Variants in PTPRD observed in about 807,000 individuals in gnomAD.
PTPRD encodes the protein receptor-type tyrosine-protein phosphatase delta.
In PTPRD, 34 loss-of-function variants were observed where a neutral mutation model predicts 214.5. The ratio of observed to expected loss-of-function variants is 0.16; its 90% confidence interval spans 0.12 to 0.21. The LOEUF (loss-of-function observed/expected upper bound fraction) is 0.21, where lower values mean the gene tolerates loss of function less well. Ranked by LOEUF, PTPRD falls within the 10% of genes least tolerant of loss-of-function variation. The pLI, the probability that PTPRD is intolerant of heterozygous loss-of-function variation, is 1.00. For missense variants in PTPRD, 2,545 were observed against 2,398.7 expected (o/e 1.06, Z -1.27); for synonymous variants, 1,128 against 845.7 (o/e 1.33, Z -5.79).
intron 8 of PTPRD, among the ~76,000 whole-genome samples, chr9:9,447,568 AC>A (rs1466706181): frequency 2.0e-5 from 3 of 152,060 alleles, no homozygotes; most frequent in Non-Finnish European, 4.4e-5. Flanking sequence ...ACTAATGGGT[AC>A]TGGGTTTAAT....
chr9:9,536,319 T>C (rs540611389), intron 8 of PTPRD, among the ~76,000 whole-genome samples: 1 of 152,010 alleles, frequency 6.6e-6, no homozygotes, highest in Non-Finnish European at 1.5e-5. Context: ...AAAATGGGTA[T>C]GCTTACTGGC....
chr9:9,289,871 G>A (rs781445022), intron 9 of PTPRD, among the ~76,000 whole-genome samples: 2 of 151,622 alleles, frequency 1.3e-5, no homozygotes, highest in Non-Finnish European at 2.9e-5. Context: ...CAGACACTTA[G>A]GTTGCTTCCA....
chr9:10,084,519 C>T (rs190290266), intron 3 of PTPRD, among the ~76,000 whole-genome samples: 1 of 151,930 alleles, frequency 6.6e-6, no homozygotes, highest in Admixed American at 6.6e-5. Context: ...CCCACTCACA[C>T]ATTATTCTGC....
Position 8,314,651 on chromosome 9 carries a change from G to C in PTPRD, c.*3223C>G. The C allele has an allele frequency of 8.6e-6, 2 of 231,886 alleles. No individual in the cohort carries two copies. The highest frequency in any genetic ancestry group is 1.7e-5 in the Non-Finnish European group (2 of 117,188). The allele number at this position is 231,886 out of a possible 1,614,324, so 14.4% of individuals were successfully genotyped here. A position where few individuals can be genotyped will look rare whatever the true frequency, so the allele number is the denominator to read the frequency against. On this transcript the variant is annotated 3_prime_UTR_variant, in exon 46 of 46. Coordinates refer to ENST00000381196, the MANE Select transcript of PTPRD (RefSeq NM_002839.4). ...CAAAACCCAAAAAGAAAAACAAAAA[G>C]GGAATTAAAAATAAAAGGACTTAAA...
intron 2 of PTPRD, among the ~76,000 whole-genome samples, chr9:10,450,109 G>T: frequency 6.6e-6 from 1 of 151,632 alleles, no homozygotes; most frequent in Non-Finnish European, 1.5e-5. Flanking sequence ...ACTGCGGAAG[G>T]CCGCAGGGTC....
chr9:9,655,467 G>T (rs1337346243), intron 7 of PTPRD, among the ~76,000 whole-genome samples: 2 of 151,402 alleles, frequency 1.3e-5, no homozygotes, highest in Non-Finnish European at 2.9e-5. Flanking sequence ...TACACAGGAG[G>T]CTAAGACAGG....
At chr9:8,470,720 C>A (rs1448661937) in intron 31 of PTPRD, among the ~76,000 whole-genome samples, 1 of 152,100 alleles carries the variant, frequency 6.6e-6, no homozygotes, top group Non-Finnish European at 1.5e-5. Flanking sequence ...ACCTCTACAT[C>A]ATGTTTTACA....
At chr9:8,361,204 T>C (rs2078389453) in intron 39 of PTPRD, among the ~76,000 whole-genome samples, 2 of 152,214 alleles carry the variant, frequency 1.3e-5, no homozygotes, top group Admixed American at 6.5e-5. Flanking sequence ...TAGCAGAACA[T>C]TTTAAATCTA....
chr9:8,449,791 T>C lies in PTPRD; in HGVS notation c.3922A>G (p.Lys1308Glu), dbSNP rs991647347. 1.2e-6 allele frequency: 2 copies of C among 1,614,116 alleles called. No homozygotes were observed. Among genetic ancestry groups the C allele is most frequent in the Non-Finnish European group, 1.7e-6 (2 of 1,179,980 alleles). The change falls in exon 34 of 46, where the codon AAG (lysine) becomes GAG (glutamate). Residue 1308 changes from lysine (K) to glutamate (E), a missense_variant. By Grantham distance (56) the Lys-to-Glu change is moderately conservative. Coordinates refer to ENST00000381196, the MANE Select transcript of PTPRD (RefSeq NM_002839.4). Reference sequence around the variant, plus strand: ...GTTGGGTGGTGTGAAGGGATCTCCTTATTGTTCGGTATGCTGCTTTTTCTA... The same window carrying C: ...GTTGGGTGGTGTGAAGGGATCTCCTCATTGTTCGGTATGCTGCTTTTTCTA... ...DSRKSSIPNNKEIPSHHPTDP... is the reference protein window; with the variant it reads ...DSRKSSIPNNEEIPSHHPTDP...
At chr9:9,850,227 C>T (rs1260642703) in intron 5 of PTPRD, among the ~76,000 whole-genome samples, 2 of 152,136 alleles carry the variant, frequency 1.3e-5, no homozygotes, top group African/African-American at 4.8e-5. Flanking sequence ...GCTAATCTTT[C>T]CTGTGATGCT....
chr9:9,230,882 A>G (rs1323276409), intron 9 of PTPRD, among the ~76,000 whole-genome samples: 1 of 152,164 alleles, frequency 6.6e-6, no homozygotes, highest in Non-Finnish European at 1.5e-5. Context: ...AAAACAACCC[A>G]CTGCCAAACA....
chr9:9,486,019 C>T (rs981691291), intron 8 of PTPRD, among the ~76,000 whole-genome samples: 10 of 151,898 alleles, frequency 6.6e-5, no homozygotes, highest in African/African-American at 2.2e-4. Context: ...GGCGTGGTGG[C>T]TTACGCCTGT....
chr9:10,198,064 T>A (rs1009154268), intron 3 of PTPRD, among the ~76,000 whole-genome samples: 13 of 152,132 alleles, frequency 8.5e-5, no homozygotes, highest in Non-Finnish European at 1.3e-4. Context: ...TTTAAAAGCT[T>A]CTCTATTAAA....
chr9:9,360,365 T>C (rs1160864770), intron 9 of PTPRD, among the ~76,000 whole-genome samples: 1 of 151,230 alleles, frequency 6.6e-6, no homozygotes, highest in Non-Finnish European at 1.5e-5. Flanking sequence ...TCTGAATCTA[T>C]GGAAGCTTTT....
In PTPRD at chr9:9,601,145, GTGTGT is replaced by G. The variant is rs1208491567; in HGVS notation, c.-286-26369_-286-26365del. Among the ~76,000 whole-genome samples, 128 of 117,738 alleles carry G rather than the reference GTGTGT, an allele frequency of 1.1e-3. 1 individual carries two copies. The highest frequency in any genetic ancestry group is 4.9e-3 in the African/African-American group (123 of 25,112). The allele number at this position is 117,738 out of a possible 152,430, so 77.2% of individuals were successfully genotyped here. A position where few individuals can be genotyped will look rare whatever the true frequency, so the allele number is the denominator to read the frequency against. On this transcript the variant is annotated intron_variant, in intron 7 of 45. Transcript: ENST00000381196. ...TGTGTGTGTGTGTGTGTGTGTGTGT[GTGTGT>G]ATGGGGGGGGGAGAGTGGGGAGAGA...
chr9:9,765,160 A>G (rs1357741623), intron 6 of PTPRD, among the ~76,000 whole-genome samples: 2 of 152,164 alleles, frequency 1.3e-5, no homozygotes, highest in Non-Finnish European at 2.9e-5. Context: ...AAATTATATG[A>G]AAAAGAGTGG....
chr9:9,430,630 C>T (rs751297922), intron 8 of PTPRD, among the ~76,000 whole-genome samples: 20 of 152,000 alleles, frequency 1.3e-4, no homozygotes, highest in Non-Finnish European at 2.8e-4. Context: ...GCTGGAGGCA[C>T]CAGACTACCT....
At chr9:10,280,306 T>C (rs979306326) in intron 3 of PTPRD, among the ~76,000 whole-genome samples, 1 of 151,450 alleles carries the variant, frequency 6.6e-6, no homozygotes, top group South Asian at 2.1e-4. Flanking sequence ...AGAAACACAG[T>C]TGACAGGATG....
At chr9:9,429,624 C>T (rs996258379) in intron 8 of PTPRD, among the ~76,000 whole-genome samples, 3 of 152,180 alleles carry the variant, frequency 2.0e-5, no homozygotes, top group Non-Finnish European at 4.4e-5. Context: ...ACCAATATCC[C>T]TGATGAACAT....
Sources: gnomAD v4.1 joint callset for allele counts (sites outside exome capture counted in the v4.1 genomes callset) on GRCh38, gnomAD v4.1.1 for gene constraint, MANE v1.5 for transcripts, NCBI Gene and HGNC (gene_info 2026-07-23, HGNC 2026-07-21) for gene names.